FBXO25: variants seen among roughly 807,000 people sequenced by gnomAD.
FBXO25 encodes F-box protein 25.
FBXO25 carries 45 observed loss-of-function variants against 51.9 expected under a neutral mutation model. The observed-to-expected ratio is 0.87, with a 90% CI of 0.68 to 1.11. The LOEUF (loss-of-function observed/expected upper bound fraction) is 1.11. FBXO25 is among the 50% of genes most tolerant of loss of function. FBXO25 has a pLI of 0.00. For missense variants in FBXO25, 507 were observed against 428.5 expected (o/e 1.18, Z -1.62); for synonymous variants, 199 against 151.0 (o/e 1.32, Z -2.33).
chr8:434,847 C>T (rs1035010526), intron 4 of FBXO25, among the ~76,000 whole-genome samples: 7 of 152,168 alleles, frequency 4.6e-5, no homozygotes, highest in Non-Finnish European at 8.8e-5. Flanking sequence ...AAGAGAATAG[C>T]AGCAGTGTTT....
Position 475,648 on chromosome 8 carries a change from C to T in FBXO25, c.*6844C>T, listed in dbSNP as rs1360330101. On this transcript the variant is annotated 3_prime_UTR_variant, in exon 10 of 10. Coordinates refer to ENST00000350302, the MANE Select transcript of FBXO25 (RefSeq NM_183420.2). ...GTCTTTTGCTTCCTTAAGTTTATTC[C>T]TAAATATTTCAGTTTTTTTGTTACT... 1 of 152,040 alleles carries T rather than the reference C, an allele frequency of 6.6e-6. No individual in the cohort carries two copies. Among genetic ancestry groups the T allele is most frequent in the Non-Finnish European group, 1.5e-5 (1 of 67,992 alleles). The allele number at this position is 152,040 out of a possible 1,614,324, so 9.4% of individuals were successfully genotyped here.
intron 1 of FBXO25, among the ~76,000 whole-genome samples, chr8:412,519 A>C (rs575650529): frequency 6.6e-6 from 1 of 152,186 alleles, no homozygotes; most frequent in Non-Finnish European, 1.5e-5. Flanking sequence ...TGTAAACCAC[A>C]AATCTGATTG....
At chr8:418,333 CT>C (rs1207244013) in intron 2 of FBXO25, among the ~76,000 whole-genome samples, 397 of 72,322 alleles carry the variant, frequency 5.5e-3, no homozygotes, top group African/African-American at 0.012. Flanking sequence ...TTTGTTTGTT[CT>C]TTTTTTTTTT....
At chr8:466,799 TGTAA>T (rs1318771779) in intron 9 of FBXO25, among the ~76,000 whole-genome samples, 3 of 152,156 alleles carry the variant, frequency 2.0e-5, no homozygotes, top group East Asian at 1.9e-4. Flanking sequence ...CCACACAGTC[TGTAA>T]GTAACTGGGC....
intron 2 of FBXO25, among the ~76,000 whole-genome samples, chr8:421,361 G>C (rs997471090): frequency 6.6e-6 from 1 of 152,230 alleles, no homozygotes; most frequent in African/African-American, 2.4e-5. Flanking sequence ...CATAACCGTT[G>C]TGAAATGGAT....
chr8:462,516 T>C (rs1799879327), intron 8 of FBXO25, among the ~76,000 whole-genome samples: 1 of 152,244 alleles, frequency 6.6e-6, no homozygotes, highest in African/African-American at 2.4e-5. Context: ...ACAATTTATT[T>C]GATTTGTCAC....
chr8:427,954 G>A (rs559806145), intron 2 of FBXO25, among the ~76,000 whole-genome samples: 7 of 152,264 alleles, frequency 4.6e-5, no homozygotes, highest in Non-Finnish European at 8.8e-5. Flanking sequence ...TGGTCTGGGA[G>A]ATGAAGATTA....
intron 5 of FBXO25, among the ~76,000 whole-genome samples, chr8:444,154 C>T (rs114532009): frequency 6.6e-6 from 1 of 152,180 alleles, no homozygotes; most frequent in Non-Finnish European, 1.5e-5. Context: ...TCAGTAAATG[C>T]TTACAGTTCA....
Position 472,557 on chromosome 8 carries a change from G to A in FBXO25, c.*3753G>A, listed in dbSNP as rs1183852241. 2 of 145,574 alleles carry A rather than the reference G, an allele frequency of 1.4e-5. No individual in the cohort carries two copies. 9.0% of individuals were successfully genotyped at this position (145,574 alleles called of 1,614,324 possible). ...ACCTTGTGATCTCTTGGGTTTTGGTGTCCATCTCATAGGATAAGCTTAGAA... is the reference window on the plus strand; with the variant it reads ...ACCTTGTGATCTCTTGGGTTTTGGTATCCATCTCATAGGATAAGCTTAGAA... On this transcript the variant is annotated 3_prime_UTR_variant, in exon 10 of 10. Transcript: ENST00000350302.
At chr8:445,018 C>A (rs1798649594) in intron 5 of FBXO25, among the ~76,000 whole-genome samples, 1 of 152,220 alleles carries the variant, frequency 6.6e-6, no homozygotes, top group South Asian at 2.1e-4. Context: ...AAATTCCCAA[C>A]AGACTTTGCT....
At chr8:462,063 G>A (rs1222624934) in intron 8 of FBXO25, among the ~76,000 whole-genome samples, 2 of 152,090 alleles carry the variant, frequency 1.3e-5, no homozygotes, top group Non-Finnish European at 2.9e-5. Context: ...AACTTTTTGA[G>A]GAATTGCCAG....
intron 9 of FBXO25, among the ~76,000 whole-genome samples, 194 bp from the exon 10 acceptor site, chr8:468,521 C>G (rs553514620): frequency 6.6e-6 from 1 of 152,074 alleles, no homozygotes; most frequent in Non-Finnish European, 1.5e-5. Context: ...AGCAGGAGTT[C>G]CATGGGAAAC....
At chr8:464,550 C>T (rs1195597717) in intron 9 of FBXO25, among the ~76,000 whole-genome samples, 4 of 152,160 alleles carry the variant, frequency 2.6e-5, no homozygotes, top group Non-Finnish European at 5.9e-5. Context: ...CTGATAGACA[C>T]CATAACCTTT....
At chr8:454,904 GAAAAAGAAAAC>G (rs547098845) in intron 7 of FBXO25, among the ~76,000 whole-genome samples, 4,236 of 130,980 alleles carry the variant, frequency 0.032, 243 homozygotes, top group African/African-American at 0.1. Flanking sequence ...AAAAGAAAAA[GAAAAAGAAAAC>G]AAAGAATGAG....
chr8:458,390 C>G lies in FBXO25; in HGVS notation c.682C>G (p.Leu228Val), dbSNP rs1799591715. The G allele has an allele frequency of 1.2e-6, 2 of 1,613,774 alleles. No individual in the cohort carries two copies. Among genetic ancestry groups the G allele is most frequent in the Non-Finnish European group, 1.7e-6 (2 of 1,179,918 alleles). Residue 228 changes from leucine to valine, a missense_variant, in exon 8 of 10, where the codon CTC (leucine) becomes GTC (valine). Coordinates refer to ENST00000350302, the MANE Select transcript of FBXO25 (RefSeq NM_183420.2). ...TCAGCAAGTGAACAATGGCCTCACCCTCAGTGACCTTCCTCTGCACATGCT... is the reference window on the plus strand; with the variant it reads ...TCAGCAAGTGAACAATGGCCTCACCGTCAGTGACCTTCCTCTGCACATGCT... ...MTKQVNNGLTLSDLPLHMLNN... is the reference protein window; with the variant it reads ...MTKQVNNGLTVSDLPLHMLNN...
chr8:431,886 C>T (rs1049426114), intron 3 of FBXO25, among the ~76,000 whole-genome samples: 3 of 152,114 alleles, frequency 2.0e-5, no homozygotes, highest in Admixed American at 6.5e-5. Context: ...TATCATGCAG[C>T]ATATCTGTGA....
At chr8:467,598 G>A (rs557824966) in intron 9 of FBXO25, 74 of 997,890 alleles carry the variant, frequency 7.4e-5, no homozygotes, top group African/African-American at 2.4e-4. Flanking sequence ...AGTTATTTTC[G>A]TAAATAATAT....
chr8:431,383 G>A lies in FBXO25; in HGVS notation c.177G>A (p.Glu59=), dbSNP rs375160410. Residue 59 remains glutamate (E), a synonymous_variant, in exon 3 of 10, where the codon GAG becomes GAA. Coordinates refer to ENST00000350302, the MANE Select transcript of FBXO25 (RefSeq NM_183420.2). The part of the protein sequence containing the change: ...SEDGEIFNNE[E]HEYASKKRKK... ...ATGGAGAAATATTCAATAATGAAGA[G>A]CATGAATATGCATCGAAAAAAAGGA... 1.0e-4 allele frequency: 161 copies of A among 1,550,758 alleles called. 2 individuals are homozygous for A. The South Asian group carries it at 1.6e-3, about 15-fold the overall frequency.
Position 406,975 on chromosome 8 carries a change from C to A in FBXO25, c.-99C>A, listed in dbSNP as rs572150003. The A allele has an allele frequency of 1.3e-5, 2 of 152,242 alleles. No individual in the cohort carries two copies. The highest frequency in any genetic ancestry group is 1.3e-4 in the Admixed American group (2 of 15,286). The allele number at this position is 152,242 out of a possible 1,614,324, so 9.4% of individuals were successfully genotyped here. On this transcript the variant is annotated 5_prime_UTR_variant, in exon 1 of 10. Transcript: ENST00000350302. ...CTTCCGGCAATAACCGCCTGGTCGC[C>A]GTCAGGTGCGGGCCCAGGTGGCCGG... is the stretch of plus-strand genomic sequence containing the variant.
Sources: gnomAD v4.1 joint callset for allele counts (sites outside exome capture counted in the v4.1 genomes callset) on GRCh38, gnomAD v4.1.1 for gene constraint, MANE v1.5 for transcripts, NCBI Gene and HGNC (gene_info 2026-07-23, HGNC 2026-07-21) for gene names.